ZNF208: variants seen among roughly 807,000 people sequenced by gnomAD.
ZNF208 encodes zinc finger protein 208.
In ZNF208, 10 loss-of-function variants were observed where a neutral mutation model predicts 12.1. The observed-to-expected ratio is 0.83, with a 90% CI of 0.51 to 1.40. The LOEUF (loss-of-function observed/expected upper bound fraction) is 1.40. Among genes scored for constraint, ZNF208 ranks in the 40% most tolerant of loss-of-function variants. ZNF208 has a pLI of 0.00. For synonymous variants in ZNF208, 497 were observed against 488.4 expected (o/e 1.02, Z -0.23); for missense variants, 1,652 against 1,485.0 (o/e 1.11, Z -1.85).
chr19:22,009,812 T>A (rs1403816676), intron 1 of ZNF208, among the ~76,000 whole-genome samples: 8 of 150,978 alleles, frequency 5.3e-5, no homozygotes, highest in Non-Finnish European at 1.2e-4. Context: ...GGGGAAAAAA[T>A]TTCAGGCTTA....
chr19:22,007,143 A>T (rs2145588490), intron 1 of ZNF208, among the ~76,000 whole-genome samples: 1 of 152,296 alleles, frequency 6.6e-6, no homozygotes, highest in Middle Eastern at 3.4e-3. Context: ...GCCAAAATGG[A>T]AGAAAAATTT....
chr19:21,984,001 T>A (rs1011994109), intron 3 of ZNF208, among the ~76,000 whole-genome samples: 2 of 151,656 alleles, frequency 1.3e-5, no homozygotes, highest in East Asian at 1.9e-4. Context: ...AATCATAATT[T>A]AAAAAAACAG....
In ZNF208 at chr19:21,973,859, G is replaced by A; in HGVS notation, c.1175C>T (p.Thr392Ile). The change falls in exon 4 of 4, where the codon ACT (threonine) becomes ATT (isoleucine). Residue 392 changes from threonine to isoleucine, a missense_variant. Physicochemically the swap from Thr to Ile is moderately conservative, Grantham distance 89 (BLOSUM62 -1). Coordinates refer to ENST00000397126, the MANE Select transcript of ZNF208 (RefSeq NM_007153.3). ...STLSYHKKIH[T>I]GEKPYKCEEC... ...TTCACATTTGTAGGGTTTCTCTCCA[G>A]TATGAATTTTCTTATGATAACTAAG... 3.1e-6 allele frequency: 5 copies of A among 1,613,370 alleles called. No individual in the cohort carries two copies. The highest frequency in any genetic ancestry group is 2.5e-6 in the Non-Finnish European group (3 of 1,179,850).
In ZNF208 at chr19:21,972,561, C is replaced by T. The variant is rs747047263; in HGVS notation, c.2473G>A (p.Ala825Thr). 10 of 1,611,232 alleles carry T rather than the reference C, an allele frequency of 6.2e-6. No homozygotes were observed. Among genetic ancestry groups the T allele is most frequent in the Middle Eastern group, 1.7e-4 (1 of 6,024 alleles). The change falls in exon 4 of 4, where the codon GCA becomes ACA. Residue 825 changes from alanine (A) to threonine (T), a missense_variant. Ala to Thr is a moderately conservative substitution (Grantham distance 58). This residue lies in a region of ZNF208 where 1,239 missense variants were observed against 1,086.2 expected (regional missense o/e 1.14). Coordinates refer to ENST00000397126, the MANE Select transcript of ZNF208 (RefSeq NM_007153.3). ...TAGGGCTTTTCTCCAGCATGAATTG[C>T]CTTATGTGTAGTAAGGGTTGAGACC... ...SKVSTLTTHK[A>T]IHAGEKPYKC... is the part of the protein sequence containing the mutation.
intron 4 of ZNF208, among the ~76,000 whole-genome samples, chr19:21,952,395 G>A (rs1969903468): frequency 6.6e-6 from 1 of 152,234 alleles, no homozygotes; most frequent in Non-Finnish European, 1.5e-5. Flanking sequence ...ACACCTCCCA[G>A]TAGAGGCCGA....
rs1055159361 is a variant in ZNF208, at chr19:21,967,499, C to T, written c.*3692G>A. On this transcript the variant is annotated 3_prime_UTR_variant, in exon 4 of 4. Coordinates refer to ENST00000397126, the MANE Select transcript of ZNF208 (RefSeq NM_007153.3). ...CTCCCAGGCTCAAATGGTTCTCTTT[C>T]CTCAGCCTCCCAAGTAGCTGGGATT... 1 of 152,170 alleles carries T rather than the reference C, an allele frequency of 6.6e-6. No homozygotes were observed. Among genetic ancestry groups the T allele is most frequent in the Non-Finnish European group, 1.5e-5 (1 of 68,074 alleles). 9.4% of individuals were successfully genotyped at this position (152,170 alleles called of 1,614,324 possible).
rs564386623 is a variant in ZNF208 at position 21,957,121 on chromosome 19, C to T, written c.305+17608G>A. 2.6e-5 allele frequency among the ~76,000 whole-genome samples: 4 copies of T among 152,304 alleles called. No homozygotes were observed. In the East Asian group the frequency reaches 7.7e-4, roughly 29 times the overall value. On this transcript the variant is annotated intron_variant, in intron 4 of 4. Transcript: ENST00000599916. Reference sequence around the variant, plus strand: ...GTGGCACAATCTCAGCTCACTGCAACCTCTGCCTCCCAGGTTCAAGTGATT... The same window carrying T: ...GTGGCACAATCTCAGCTCACTGCAATCTCTGCCTCCCAGGTTCAAGTGATT...
intron 1 of ZNF208, among the ~76,000 whole-genome samples, chr19:22,006,287 C>T (rs1433938823): frequency 6.6e-6 from 1 of 152,106 alleles, no homozygotes; most frequent in Admixed American, 6.6e-5. Flanking sequence ...GAAAAAAAGC[C>T]CTTTTCTACC....
chr19:21,955,278 A>T (rs1177116560), intron 4 of ZNF208, among the ~76,000 whole-genome samples: 1 of 151,968 alleles, frequency 6.6e-6, no homozygotes, highest in Non-Finnish European at 1.5e-5. Context: ...CTCCATTTCA[A>T]CTTTGATGAA....
chr19:21,981,817 C>G (rs1427277704), intron 3 of ZNF208, among the ~76,000 whole-genome samples: 1 of 152,156 alleles, frequency 6.6e-6, no homozygotes, highest in Admixed American at 6.5e-5. Flanking sequence ...ACCCCACTGT[C>G]TCAGCCCAAG....
chr19:21,957,050 GTTTTC>G (rs1969988593), intron 4 of ZNF208, among the ~76,000 whole-genome samples: 2 of 150,794 alleles, frequency 1.3e-5, no homozygotes, highest in Admixed American at 6.6e-5. Flanking sequence ...TTCTATTTTT[GTTTTC>G]TTTTGAGACA....
intron 3 of ZNF208, among the ~76,000 whole-genome samples, chr19:21,983,091 A>G (rs1970572442): frequency 6.6e-6 from 1 of 152,212 alleles, no homozygotes; most frequent in Non-Finnish European, 1.5e-5. Context: ...ACAGAATGGG[A>G]GAAAAATTTT....
In ZNF208 at chr19:21,971,281, T is replaced by C; in HGVS notation, c.3753A>G (p.Lys1251=). The C allele has an allele frequency of 1.9e-6, 3 of 1,612,274 alleles. No individual in the cohort carries two copies. Among genetic ancestry groups the C allele is most frequent in the African/African-American group, 1.3e-5 (1 of 74,980 alleles). The change falls in exon 4 of 4, where the codon AAA becomes AAG. Residue 1251 remains lysine (K), a synonymous_variant. Coordinates refer to ENST00000397126, the MANE Select transcript of ZNF208 (RefSeq NM_007153.3). The part of the protein sequence containing the change: ...TKHKVIHTGE[K]PYKCEECGKA... Reference sequence around the variant, plus strand: ...TGCCACATTCTTCACATTTGTAGGGTTTCTCTCCAGTATGAATTACCTTAT... The same window carrying C: ...TGCCACATTCTTCACATTTGTAGGGCTTCTCTCCAGTATGAATTACCTTAT...
At position 21,974,179 on chromosome 19, in the gene ZNF208, G is replaced by A; in HGVS notation, c.855C>T (p.Asn285=). 1.9e-6 allele frequency: 3 copies of A among 1,604,252 alleles called. No homozygotes were observed. Residue 285 remains asparagine (N), a synonymous_variant, in exon 4 of 4, where the codon AAC becomes AAT. Transcript: ENST00000397126. ...AGGCTTTGCCACATTCTTCACATTTGTTGGGTTTCTCTCCAGTATGAATTA... is the reference window on the plus strand; with the variant it reads ...AGGCTTTGCCACATTCTTCACATTTATTGGGTTTCTCTCCAGTATGAATTA... ...HKIIHTGEKP[N]KCEECGKAFS...
chr19:21,961,057 C>A (rs1174940967), intron 4 of ZNF208, among the ~76,000 whole-genome samples: 1 of 152,200 alleles, frequency 6.6e-6, no homozygotes, highest in Non-Finnish European at 1.5e-5. Context: ...GTTCACCACT[C>A]CTTTTGTAGA....
In ZNF208 at chr19:21,968,974, G is replaced by C. The variant is rs1970223669; in HGVS notation, c.*2217C>G. 6.6e-6 allele frequency among the ~76,000 whole-genome samples: 1 copy of C among 152,106 alleles called. No homozygotes were observed. Among genetic ancestry groups the C allele is most frequent in the African/African-American group, 2.4e-5 (1 of 41,418 alleles). On this transcript the variant is annotated 3_prime_UTR_variant, in exon 4 of 4. Transcript: ENST00000397126. The stretch of plus-strand genomic sequence containing the variant: ...CCAAGGTGGGCATATCATGAGGTCA[G>C]GAGATAGAGACCGTCCTGGCTAATA...
At chr19:21,957,854 C>A (rs1382521812) in intron 4 of ZNF208, among the ~76,000 whole-genome samples, 1 of 151,090 alleles carries the variant, frequency 6.6e-6, no homozygotes, top group African/African-American at 2.4e-5. Context: ...TATTATTATA[C>A]TTTAAGTTTT....
intron 3 of ZNF208, among the ~76,000 whole-genome samples, chr19:21,985,706 G>A (rs535053635): frequency 2.0e-5 from 3 of 152,282 alleles, no homozygotes; most frequent in South Asian, 2.1e-4. Context: ...ACGGCAGGCC[G>A]GCAGACCTTG....
At chr19:21,992,960 TCTC>T (rs1485149909) in intron 1 of ZNF208, among the ~76,000 whole-genome samples, 1 of 152,132 alleles carries the variant, frequency 6.6e-6, no homozygotes. Context: ...TTTTTCTCCT[TCTC>T]CTCCTTCTCT....
Sources: gnomAD v4.1 joint callset for allele counts (sites outside exome capture counted in the v4.1 genomes callset) on GRCh38, gnomAD v4.1.1 for gene constraint, gnomAD v4.1.1 regional missense constraint, MANE v1.5 for transcripts, NCBI Gene and HGNC (gene_info 2026-07-23, HGNC 2026-07-21) for gene names.